Variants in WAC observed in about 807,000 individuals in gnomAD.
WAC encodes WW domain containing adaptor with coiled-coil.
WAC carries 11 observed loss-of-function variants against 79.6 expected under a neutral mutation model. That is an observed-to-expected ratio of 0.14 (90% confidence interval 0.09 to 0.23). The LOEUF (loss-of-function observed/expected upper bound fraction) is 0.23, where lower values mean the gene tolerates loss of function less well. Among genes scored for constraint, WAC ranks in the 10% least tolerant of loss-of-function variants. The pLI is 1.00. For missense variants in WAC, 728 were observed against 773.5 expected (o/e 0.94, Z 0.70); for synonymous variants, 304 against 276.9 (o/e 1.10, Z -0.97).
rs558686662 is a variant in WAC, at chr10:28,563,022, G to A, written c.275-20377G>A. On this transcript the variant is annotated intron_variant, in intron 3 of 13. Transcript: ENST00000354911. ...GTTTTATGTTTGAGTAAAACTCTTT[G>A]GAGTTAGGTACAAAGAACTATATTA... Among the ~76,000 whole-genome samples, 3 of 152,240 alleles carry A rather than the reference G, an allele frequency of 2.0e-5. No individual in the cohort carries two copies. The South Asian group carries it at 6.2e-4, about 32-fold the overall frequency.
intron 13 of WAC, among the ~76,000 whole-genome samples, chr10:28,618,583 C>T (rs1306629518): frequency 6.6e-6 from 1 of 152,172 alleles, no homozygotes; most frequent in Non-Finnish European, 1.5e-5. Context: ...GGAAATTATT[C>T]ATTATTGCAT....
At chr10:28,574,879 C>G (rs2532741) in intron 3 of WAC, among the ~76,000 whole-genome samples, 51,059 of 151,842 alleles carry the variant, frequency 0.34, 9,394 homozygotes, top group East Asian at 0.54. Context: ...ATCTCTTTTT[C>G]ACTGCTTTAT....
At chr10:28,605,031 A>C (rs1840870696) in intron 7 of WAC, among the ~76,000 whole-genome samples, 1 of 152,086 alleles carries the variant, frequency 6.6e-6, no homozygotes, top group African/African-American at 2.4e-5. Context: ...TAAATAACTT[A>C]CAACATGCTT....
intron 3 of WAC, among the ~76,000 whole-genome samples, chr10:28,546,221 C>G (rs117722134): frequency 1.3e-5 from 2 of 152,134 alleles, no homozygotes; most frequent in Non-Finnish European, 2.9e-5. Flanking sequence ...CTAATCTTTT[C>G]TGGTAGCTAA....
rs774042989 is a variant in WAC at position 28,614,619 on chromosome 10, A to T, written c.1490A>T (p.Gln497Leu). The change falls in exon 11 of 14, where the codon CAG (glutamine) becomes CTG (leucine). Residue 497 changes from glutamine to leucine, a missense_variant. Coordinates refer to ENST00000354911, the MANE Select transcript of WAC (RefSeq NM_016628.5). ...CCAGTGTCACAGTCAGCCACACAGC[A>T]GCCTGTAACTGCTGACAAGCAGCAA... ...QGPVSQSATQQPVTADKQQGH... is the reference protein window; with the variant it reads ...QGPVSQSATQLPVTADKQQGH... The T allele has an allele frequency of 1.9e-6, 3 of 1,614,232 alleles. No individual in the cohort carries two copies. In the South Asian group the frequency reaches 3.3e-5, roughly 18 times the overall value.
chr10:28,588,019 A>G (rs145030740), intron 4 of WAC, among the ~76,000 whole-genome samples: 3 of 152,298 alleles, frequency 2.0e-5, no homozygotes, highest in Non-Finnish European at 4.4e-5. Context: ...TAAGTTGGCA[A>G]ACCATCACTT....
intron 13 of WAC, 164 bp downstream of exon 13, chr10:28,617,948 G>C: frequency 1.2e-6 from 1 of 801,552 alleles, no homozygotes; most frequent in Non-Finnish European, 1.7e-6. Flanking sequence ...TCTCGTGAAG[G>C]ATAAAGCCTG....
At chr10:28,555,649 C>T (rs987247859) in intron 3 of WAC, among the ~76,000 whole-genome samples, 4 of 152,118 alleles carry the variant, frequency 2.6e-5, no homozygotes, top group East Asian at 1.9e-4. Flanking sequence ...GGTTTGAGTG[C>T]GTTCCCTAAA....
intron 3 of WAC, among the ~76,000 whole-genome samples, chr10:28,541,415 GTTTTGTTT>G (rs1409773816): frequency 1.6e-4 from 6 of 37,904 alleles, no homozygotes; most frequent in Non-Finnish European, 2.1e-4. Context: ...GTGTGTGTGT[GTTTTGTTT>G]TTTTTTTTTT....
At chr10:28,617,821 A>T (rs751099926) in intron 13 of WAC, 37 bp downstream of exon 13, 75 of 1,546,736 alleles carry the variant, frequency 4.8e-5, no homozygotes, top group Admixed American at 1.6e-4. Flanking sequence ...TATGTTTCTC[A>T]GGATTATGAT....
intron 11 of WAC, chr10:28,615,869 A>C: frequency 4.2e-6 from 1 of 237,506 alleles, no homozygotes; most frequent in East Asian, 8.6e-5. Context: ...TTAAAATGTG[A>C]CTTTTTTTAG....
At chr10:28,572,153 AT>A (rs1338737933) in intron 3 of WAC, among the ~76,000 whole-genome samples, 1 of 143,368 alleles carries the variant, frequency 7.0e-6, no homozygotes, top group Non-Finnish European at 1.5e-5. Flanking sequence ...CCTGGCCAAG[AT>A]GGTGAAACCC....
intron 2 of WAC, 146 bp downstream of exon 2, chr10:28,534,180 C>G: frequency 1.3e-6 from 1 of 794,638 alleles, no homozygotes; most frequent in Non-Finnish European, 1.9e-6. Context: ...CTTAAAATTC[C>G]AGGTTTGGTT....
At chr10:28,590,331 A>AAAC (rs1474968419) in intron 5 of WAC, among the ~76,000 whole-genome samples, 3 of 151,972 alleles carry the variant, frequency 2.0e-5, no homozygotes, top group Non-Finnish European at 4.4e-5. Flanking sequence ...AAAAAAAAAA[A>AAAC]AAAATCTAGG....
At position 28,533,597 on chromosome 10, in the gene WAC, G is replaced by A. The variant is rs2132290350; in HGVS notation, c.18G>A (p.Arg6=). Residue 6 remains arginine, a synonymous_variant, in exon 1 of 14, where the codon AGG becomes AGA. Transcript: ENST00000354911. ...GGGCATTGATGGTAATGTATGCGAG[G>A]AAACAGCAGAGACTCAGTGATGGGT... is the stretch of plus-strand genomic sequence containing the variant. MVMYA[R]KQQRLSDGCH... The A allele has an allele frequency of 6.3e-7, 1 of 1,595,594 alleles. No homozygotes were observed. Among genetic ancestry groups the A allele is most frequent in the Non-Finnish European group, 8.5e-7 (1 of 1,171,186 alleles).
In WAC at chr10:28,590,842, A is replaced by C. The variant is rs1840045307; in HGVS notation, c.610+10A>C. ...GGGTTTGCCAGTGGAAGTAAGTATTAATTTTTTTTCTTTGAAATGTATGTT... is the reference window on the plus strand; with the variant it reads ...GGGTTTGCCAGTGGAAGTAAGTATTCATTTTTTTTCTTTGAAATGTATGTT... On this transcript the variant is annotated intron_variant, in intron 6 of 13. Transcript: ENST00000354911. 4 of 1,597,204 alleles carry C rather than the reference A, an allele frequency of 2.5e-6. No individual in the cohort carries two copies. Among genetic ancestry groups the C allele is most frequent in the Non-Finnish European group, 2.6e-6 (3 of 1,170,908 alleles).
intron 3 of WAC, among the ~76,000 whole-genome samples, chr10:28,541,686 G>A (rs1365493570): frequency 2.6e-5 from 4 of 151,952 alleles, no homozygotes; most frequent in Non-Finnish European, 5.9e-5. Flanking sequence ...TATTATTCCT[G>A]TTGTACTGAT....
chr10:28,581,455 T>C (rs1432481783), intron 3 of WAC, among the ~76,000 whole-genome samples: 1 of 152,048 alleles, frequency 6.6e-6, no homozygotes, highest in Non-Finnish European at 1.5e-5. Context: ...GATTCCCACA[T>C]GTCTGTCAAG....
At chr10:28,553,638 T>TA (rs1837824078) in intron 3 of WAC, among the ~76,000 whole-genome samples, 1 of 152,148 alleles carries the variant, frequency 6.6e-6, no homozygotes, top group Non-Finnish European at 1.5e-5. Flanking sequence ...TGTTTTAAGT[T>TA]AAAGTTTTAA....
Sources: gnomAD v4.1 joint callset for allele counts (sites outside exome capture counted in the v4.1 genomes callset) on GRCh38, gnomAD v4.1.1 for gene constraint, MANE v1.5 for transcripts, NCBI Gene and HGNC (gene_info 2026-07-23, HGNC 2026-07-21) for gene names.